BAZ2B: variants seen among roughly 807,000 people sequenced by gnomAD.
BAZ2B encodes the protein bromodomain adjacent to zinc finger domain protein 2B.
In BAZ2B, 91 loss-of-function variants were observed where a neutral mutation model predicts 246.0. The ratio of observed to expected loss-of-function variants is 0.37; its 90% CI spans 0.31 to 0.44. The LOEUF is 0.44. BAZ2B is among the 20% of genes least tolerant of loss of function. The pLI is 1.00. For missense variants in BAZ2B, 2,332 were observed against 2,533.7 expected (o/e 0.92, Z 1.71); for synonymous variants, 855 against 860.0 (o/e 0.99, Z 0.10).
At chr2:159,485,213 A>G (rs1336662491) in intron 2 of BAZ2B, among the ~76,000 whole-genome samples, 1 of 152,172 alleles carries the variant, frequency 6.6e-6, no homozygotes, top group Non-Finnish European at 1.5e-5. Context: ...GAACATATAA[A>G]ACTTCAAGAT....
At chr2:159,638,532 G>A in the BAZ2B span, among the ~76,000 whole-genome samples, 1 of 152,102 alleles carries the variant, frequency 6.6e-6, no homozygotes, top group Non-Finnish European at 1.5e-5. Flanking sequence ...ATTCTATCAG[G>A]TAAGTTTAAC....
At chr2:159,695,117 A>C in the BAZ2B span, 1 of 152,100 alleles carries the variant, frequency 6.6e-6, no homozygotes, top group East Asian at 1.9e-4. Flanking sequence ...GCATTTATTG[A>C]CTATTTTTAT....
intron 2 of BAZ2B, among the ~76,000 whole-genome samples, chr2:159,480,486 C>G (rs2079110345): frequency 6.6e-6 from 1 of 152,048 alleles, no homozygotes; most frequent in African/African-American, 2.4e-5. Flanking sequence ...AAGAAGTAGT[C>G]TTGTATACAT....
the BAZ2B span, among the ~76,000 whole-genome samples, chr2:159,677,703 T>C: frequency 1.3e-5 from 2 of 152,218 alleles, no homozygotes; most frequent in Non-Finnish European, 2.9e-5. Flanking sequence ...GGTTTCACAA[T>C]ATGCTATTTG....
chr2:159,468,211 C>G (rs2077326937), intron 3 of BAZ2B, among the ~76,000 whole-genome samples: 1 of 152,128 alleles, frequency 6.6e-6, no homozygotes, highest in African/African-American at 2.4e-5. Flanking sequence ...AGTGCACTCC[C>G]TCATCATGAT....
intron 1 of BAZ2B, among the ~76,000 whole-genome samples, chr2:159,579,578 C>T (rs1263351919): frequency 6.6e-6 from 1 of 152,108 alleles, no homozygotes; most frequent in Non-Finnish European, 1.5e-5. Flanking sequence ...CATTTTAATG[C>T]CAACATCATC....
intron 2 of BAZ2B, among the ~76,000 whole-genome samples, chr2:159,539,924 G>A (rs989308005): frequency 1.3e-5 from 2 of 152,020 alleles, no homozygotes; most frequent in Non-Finnish European, 2.9e-5. Context: ...CTCAACACAA[G>A]TGTTACCTCA....
chr2:159,444,962 T>C (rs979435112), intron 6 of BAZ2B: 1 of 152,248 alleles, frequency 6.6e-6, no homozygotes, highest in Non-Finnish European at 1.5e-5. Context: ...TGGAGCAGAC[T>C]AAATCCACTG....
the BAZ2B span, among the ~76,000 whole-genome samples, chr2:159,653,994 AC>A: frequency 1.3e-5 from 2 of 152,162 alleles, no homozygotes; most frequent in African/African-American, 4.8e-5. Flanking sequence ...TTGGAAGTTA[AC>A]CCCCAAAAAA....
chr2:159,415,590 T>A (rs556834371), intron 13 of BAZ2B, among the ~76,000 whole-genome samples: 2 of 152,232 alleles, frequency 1.3e-5, no homozygotes, highest in Non-Finnish European at 2.9e-5. Flanking sequence ...ATTGTCTTAT[T>A]ATTTCTTTTT....
chr2:159,556,275 A>C lies in BAZ2B; in HGVS notation c.-45-410T>G, dbSNP rs142881766. The stretch of plus-strand genomic sequence containing the variant: ...AAATACTTTTCTGTCTATGATTATC[A>C]GTACAGATTAGAACCAAAATGTCAT... On this transcript the variant is annotated intron_variant, in intron 1 of 36. Coordinates refer to ENST00000392783, the MANE Select transcript of BAZ2B (RefSeq NM_013450.4). Among the ~76,000 whole-genome samples, 430 of 152,370 alleles carry C rather than the reference A, an allele frequency of 2.8e-3. No individual in the cohort carries two copies. In the Middle Eastern group the frequency reaches 0.045, roughly 16 times the overall value.
the BAZ2B span, among the ~76,000 whole-genome samples, chr2:159,671,312 T>G: frequency 6.6e-6 from 1 of 152,176 alleles, no homozygotes; most frequent in African/African-American, 2.4e-5. Context: ...AATACTTTCG[T>G]TCTCCCAAAG....
intron 24 of BAZ2B, 122 bp from the exon 25 acceptor site, chr2:159,382,924 AC>A: frequency 7.8e-7 from 1 of 1,287,046 alleles, no homozygotes; most frequent in Non-Finnish European, 1.0e-6. Context: ...TAAGCGATAT[AC>A]CAATGTTAAA....
chr2:159,637,122 T>A, the BAZ2B span, among the ~76,000 whole-genome samples: 27 of 152,138 alleles, frequency 1.8e-4, no homozygotes, highest in Non-Finnish European at 3.4e-4. Flanking sequence ...CCAGCTATGG[T>A]GGCTATGGTG....
At chr2:159,646,985 T>C in the BAZ2B span, among the ~76,000 whole-genome samples, 4 of 152,124 alleles carry the variant, frequency 2.6e-5, no homozygotes, top group African/African-American at 9.7e-5. Flanking sequence ...CTGTTTTCCC[T>C]CTGAGCCCTC....
At chr2:159,324,716 T>G in intron 36 of BAZ2B, 95 bp downstream of exon 36, 1 of 687,444 alleles carries the variant, frequency 1.5e-6, no homozygotes, top group Non-Finnish European at 2.1e-6. Flanking sequence ...GCCTATATCT[T>G]GCTGTTAATT....
intron 1 of BAZ2B, among the ~76,000 whole-genome samples, chr2:159,558,421 T>TG (rs1660034550): frequency 6.6e-6 from 1 of 152,086 alleles, no homozygotes; most frequent in African/African-American, 2.4e-5. Context: ...CATGCCTGGC[T>TG]AATTTTTTTT....
At chr2:159,656,658 T>A in the BAZ2B span, among the ~76,000 whole-genome samples, 1 of 152,182 alleles carries the variant, frequency 6.6e-6, no homozygotes, top group Non-Finnish European at 1.5e-5. Context: ...TGTCTTTTCA[T>A]TTCTTAATAG....
chr2:159,486,406 C>T (rs1404228903), intron 2 of BAZ2B, among the ~76,000 whole-genome samples: 1 of 151,784 alleles, frequency 6.6e-6, no homozygotes, highest in South Asian at 2.1e-4. Context: ...ATAAAATATC[C>T]ATGTATACTC....
Sources: allele counts gnomAD v4.1 joint callset (sites outside exome capture counted in the v4.1 genomes callset), GRCh38; gene constraint gnomAD v4.1.1; transcripts MANE v1.5; gene names NCBI Gene and HGNC (gene_info 2026-07-23, HGNC 2026-07-21).